MCTP1: variants seen among roughly 807,000 people sequenced by gnomAD.
The protein encoded by MCTP1 is multiple C2 and transmembrane domain containing 1, also known as multiple C2 and transmembrane domain-containing protein 1.
MCTP1 carries 69 observed loss-of-function variants against 120.6 expected under a neutral mutation model. The observed-to-expected ratio is 0.57, with a 90% CI of 0.47 to 0.70. The LOEUF (loss-of-function observed/expected upper bound fraction) is 0.70. Among genes scored for constraint, MCTP1 ranks in the 30% least tolerant of loss-of-function variants. The probability of loss-of-function intolerance (pLI) is 0.00; values close to 1 mark genes in which losing one functional copy is unlikely to be tolerated. For synonymous variants in MCTP1, 529 were observed against 493.1 expected (o/e 1.07, Z -0.96); for missense variants, 1,203 against 1,248.8 (o/e 0.96, Z 0.55).
intron 1 of MCTP1, among the ~76,000 whole-genome samples, chr5:95,061,061 C>A (rs1451036698): frequency 6.8e-6 from 1 of 147,684 alleles, no homozygotes; most frequent in African/African-American, 2.5e-5. Flanking sequence ...AGCCATTAGG[C>A]CTTTGTTGGT....
At chr5:94,867,084 A>AT in intron 17 of MCTP1, 1 of 523,770 alleles carries the variant, frequency 1.9e-6, no homozygotes, top group Non-Finnish European at 3.0e-6. Flanking sequence ...GCTCAGTATC[A>AT]TTTTTTCTCA....
At chr5:94,996,499 C>T (rs1832646602) in intron 2 of MCTP1, among the ~76,000 whole-genome samples, 1 of 152,108 alleles carries the variant, frequency 6.6e-6, no homozygotes, top group African/African-American at 2.4e-5. Context: ...ATGCCCAAGT[C>T]CCTGATAGAA....
At chr5:95,061,580 C>T (rs1415137166) in intron 1 of MCTP1, among the ~76,000 whole-genome samples, 4 of 149,660 alleles carry the variant, frequency 2.7e-5, no homozygotes, top group Non-Finnish European at 4.5e-5. Flanking sequence ...GGACTACAGG[C>T]GCCCGCCACT....
chr5:94,867,229 A>T lies in MCTP1; in HGVS notation c.2436+1104T>A, dbSNP rs1233319635. 3 of 1,421,498 alleles carry T rather than the reference A, an allele frequency of 2.1e-6. No homozygotes were observed. In the African/African-American group the frequency reaches 4.4e-5, roughly 21 times the overall value. The allele number at this position is 1,421,498 out of a possible 1,614,324, so 88.1% of individuals were successfully genotyped here. On this transcript the variant is annotated intron_variant, in intron 17 of 22. Transcript: ENST00000515393. ...CAGAGAGAGAGAGATTTTTTTTCTA[A>T]AACTTAACGATAATGACAATTGCTT...
intron 19 of MCTP1, among the ~76,000 whole-genome samples, chr5:94,774,525 A>G (rs1179982422): frequency 4.6e-5 from 7 of 152,178 alleles, no homozygotes; most frequent in Non-Finnish European, 1.0e-4. Flanking sequence ...ACTGAATTCT[A>G]TCAATACCCT....
At chr5:94,811,988 T>C (rs1426144761) in intron 17 of MCTP1, among the ~76,000 whole-genome samples, 1 of 152,150 alleles carries the variant, frequency 6.6e-6, no homozygotes, top group East Asian at 1.9e-4. Context: ...AAATGACCTG[T>C]CAGGAGTGGA....
chr5:94,714,781 T>TAA lies in MCTP1; in HGVS notation c.2715_2716insTT (p.Lys906LeufsTer12). On this transcript the variant is annotated frameshift_variant, in exon 20 of 23. Coordinates refer to ENST00000515393, the MANE Select transcript of MCTP1 (RefSeq NM_024717.7). LOFTEE classifies it high-confidence loss of function. ...TCACAGGTCACCGTCACTCACTTCT[T>TAA]TATCCTTTCGCCAAAGGAAGCCACT... 1 of 1,574,558 alleles carries TAA rather than the reference T, an allele frequency of 6.4e-7. No individual in the cohort carries two copies. The highest frequency in any genetic ancestry group is 8.7e-7 in the Non-Finnish European group (1 of 1,143,958).
At chr5:95,081,730 A>T in intron 1 of MCTP1, 1 of 1,242,636 alleles carries the variant, frequency 8.0e-7, no homozygotes, top group Non-Finnish European at 1.0e-6. Context: ...GTAAGGGAAG[A>T]GTTTCCCATT....
intron 2 of MCTP1, among the ~76,000 whole-genome samples, chr5:94,978,607 A>T (rs1180975801): frequency 6.6e-6 from 1 of 152,184 alleles, no homozygotes; most frequent in Non-Finnish European, 1.5e-5. Context: ...CAGAAGGACA[A>T]ATACTGCATG....
chr5:94,716,225 A>G (rs564193123), intron 19 of MCTP1, among the ~76,000 whole-genome samples: 5 of 152,174 alleles, frequency 3.3e-5, no homozygotes, highest in Admixed American at 1.3e-4. Context: ...TCTATTATTC[A>G]TCTTGCTTAT....
intron 3 of MCTP1, among the ~76,000 whole-genome samples, chr5:94,951,227 A>G (rs1473377754): frequency 6.6e-6 from 1 of 152,096 alleles, no homozygotes; most frequent in African/African-American, 2.4e-5. Flanking sequence ...TTTTTTGTGT[A>G]CTTCAGTTTT....
chr5:94,924,756 T>C lies in MCTP1; in HGVS notation c.1213-735A>G, dbSNP rs116212969. Among the ~76,000 whole-genome samples, 1,210 of 152,326 alleles carry C rather than the reference T, an allele frequency of 7.9e-3. 24 individuals are homozygous for C. Among genetic ancestry groups the C allele is most frequent in the African/African-American group, 0.029 (1,186 of 41,582 alleles). On this transcript the variant is annotated intron_variant, in intron 6 of 22. Coordinates refer to ENST00000515393, the MANE Select transcript of MCTP1 (RefSeq NM_024717.7). ...ATGTTAAAGCTTTGCATTCTGTCTC[T>C]AGGTGTCAGTTATGATAAAGTTTCA...
chr5:94,862,518 C>G (rs1796000761), intron 17 of MCTP1, among the ~76,000 whole-genome samples: 1 of 151,756 alleles, frequency 6.6e-6, no homozygotes, highest in Non-Finnish European at 1.5e-5. Flanking sequence ...AATAGGCCCA[C>G]AAACTGAACT....
intron 17 of MCTP1, among the ~76,000 whole-genome samples, chr5:94,821,491 C>G (rs963721809): frequency 1.3e-5 from 2 of 152,148 alleles, no homozygotes; most frequent in Non-Finnish European, 2.9e-5. Flanking sequence ...ATTTTTTCCT[C>G]CTGTTCTCTA....
At chr5:94,752,147 T>TATATATATATATATATATATATA (rs1554087388) in intron 19 of MCTP1, among the ~76,000 whole-genome samples, 1 of 51,224 alleles carries the variant, frequency 2.0e-5, no homozygotes, top group Non-Finnish European at 5.8e-5. Context: ...ATATATATAT[T>TATATATATATATATATATATATA]CAAAATAGCT....
At chr5:94,909,126 C>T in intron 10 of MCTP1, 125 bp downstream of exon 10, 1 of 1,170,250 alleles carries the variant, frequency 8.5e-7, no homozygotes, top group Non-Finnish European at 1.2e-6. Flanking sequence ...CCAAGCATTG[C>T]CTTACCATGG....
intron 19 of MCTP1, among the ~76,000 whole-genome samples, chr5:94,734,456 G>T (rs942286138): frequency 4.6e-5 from 7 of 152,152 alleles, no homozygotes; most frequent in Admixed American, 2.0e-4. Context: ...TAATCATGTG[G>T]TTACTATGTG....
At chr5:94,986,231 G>A (rs1432595254) in intron 2 of MCTP1, among the ~76,000 whole-genome samples, 1 of 152,084 alleles carries the variant, frequency 6.6e-6, no homozygotes, top group African/African-American at 2.4e-5. Context: ...AATGCAGGAG[G>A]TAACTATCAT....
chr5:94,888,819 A>G (rs1801892459), intron 12 of MCTP1, 60 bp downstream of exon 12: 1 of 941,606 alleles, frequency 1.1e-6, no homozygotes, highest in South Asian at 1.5e-5. Context: ...GAATTATTAA[A>G]TGGTGTAGAC....
Sources: allele counts gnomAD v4.1 joint callset (sites outside exome capture counted in the v4.1 genomes callset), GRCh38; gene constraint gnomAD v4.1.1; transcripts MANE v1.5; gene names NCBI Gene and HGNC (gene_info 2026-07-23, HGNC 2026-07-21).